HTT: variants seen among roughly 807,000 people sequenced by gnomAD.
The protein encoded by HTT is huntington disease protein.
A neutral mutation model predicts 362.3 loss-of-function variants in HTT; 104 were observed. That is an observed-to-expected ratio of 0.29 (90% CI 0.24 to 0.34). The LOEUF (loss-of-function observed/expected upper bound fraction) is 0.34, where lower values mean the gene tolerates loss of function less well. Among genes scored for constraint, HTT ranks in the 10% least tolerant of loss-of-function variants. The pLI, the probability that HTT is intolerant of heterozygous loss-of-function variation, is 1.00. For synonymous variants in HTT, 1,577 were observed against 1,548.7 expected (o/e 1.02, Z -0.43); for missense variants, 3,301 against 3,928.6 (o/e 0.84, Z 4.27).
At chr4:3,161,236 G>A (rs1442257662) in intron 29 of HTT, among the ~76,000 whole-genome samples, 3 of 152,162 alleles carry the variant, frequency 2.0e-5, no homozygotes, top group African/African-American at 7.2e-5. Flanking sequence ...CCATGTGCCT[G>A]CAAAGGACAT....
chr4:3,083,528 TATACACACACACACACACACACAC>T (rs1459804712), intron 1 of HTT, among the ~76,000 whole-genome samples: 2 of 83,926 alleles, frequency 2.4e-5, no homozygotes, highest in Middle Eastern at 5.7e-3. Context: ...TGTCTCTAAA[TATACACACACACACACACACACAC>T]ACACACACAC....
At chr4:3,150,218 C>T (rs1469152990) in intron 26 of HTT, among the ~76,000 whole-genome samples, 3 of 152,190 alleles carry the variant, frequency 2.0e-5, no homozygotes, top group Non-Finnish European at 4.4e-5. Flanking sequence ...CTATGCCAGG[C>T]AAGACAGTAG....
chr4:3,170,944 C>T (rs1234301645), intron 29 of HTT, among the ~76,000 whole-genome samples: 1 of 152,176 alleles, frequency 6.6e-6, no homozygotes, highest in Non-Finnish European at 1.5e-5. Flanking sequence ...AGCCCTGGTT[C>T]CCTGGTACTT....
intron 28 of HTT, 108 bp downstream of exon 28, chr4:3,157,307 T>C (rs536443178): frequency 7.6e-6 from 8 of 1,052,782 alleles, no homozygotes; most frequent in South Asian, 4.5e-5. Flanking sequence ...CTTTGAGATA[T>C]GAGTTACATT....
intron 40 of HTT, among the ~76,000 whole-genome samples, chr4:3,195,359 G>C (rs1719198119): frequency 6.6e-6 from 1 of 152,016 alleles, no homozygotes; most frequent in African/African-American, 2.4e-5. Flanking sequence ...ACGGCTTGCG[G>C]AGCTGCTGCG....
intron 42 of HTT, among the ~76,000 whole-genome samples, chr4:3,204,402 G>A (rs574088730): frequency 1.3e-5 from 2 of 152,310 alleles, no homozygotes; most frequent in African/African-American, 4.8e-5. Flanking sequence ...TCAAATGCCC[G>A]GCTATTGGCT....
chr4:3,131,291 C>T lies in HTT; in HGVS notation c.1992C>T (p.Cys664=), dbSNP rs1715802445. ...TGTCATTGTCTCCTTTCTAGCCTTG[C>T]CGCATCAAAGGTGACATTGGACAGT... ...TEPGDQENKP[C]RIKGDIGQST... The change falls in exon 15 of 67, where the codon TGC becomes TGT. Residue 664 remains cysteine (C), a synonymous_variant. Transcript: ENST00000355072. 6.2e-7 allele frequency: 1 copy of T among 1,610,322 alleles called. No individual in the cohort carries two copies. Among genetic ancestry groups the T allele is most frequent in the African/African-American group, 1.3e-5 (1 of 74,962 alleles).
intron 61 of HTT, among the ~76,000 whole-genome samples, chr4:3,234,217 C>T (rs190218897): frequency 4.4e-4 from 67 of 152,332 alleles, no homozygotes; most frequent in African/African-American, 1.6e-3. Context: ...GGGCACATGC[C>T]GGTGGCCGTC....
At chr4:3,200,885 C>G (rs1427598216) in intron 41 of HTT, among the ~76,000 whole-genome samples, 2 of 152,202 alleles carry the variant, frequency 1.3e-5, no homozygotes, top group African/African-American at 4.8e-5. Flanking sequence ...TCAGTGTCTC[C>G]TAGTTCTGTG....
intron 22 of HTT, among the ~76,000 whole-genome samples, chr4:3,142,150 G>A (rs1716379122): frequency 6.6e-6 from 1 of 152,146 alleles, no homozygotes; most frequent in South Asian, 2.1e-4. Flanking sequence ...GACCAATTGT[G>A]CAGCAGAGTG....
intron 53 of HTT, among the ~76,000 whole-genome samples, chr4:3,220,750 C>G (rs184584590): frequency 6.6e-6 from 1 of 152,068 alleles, no homozygotes; most frequent in Non-Finnish European, 1.5e-5. Flanking sequence ...TCTTGGCACT[C>G]GCCTTCCCCA....
At chr4:3,158,411 T>C (rs1717267656) in intron 28 of HTT, among the ~76,000 whole-genome samples, 1 of 152,238 alleles carries the variant, frequency 6.6e-6, no homozygotes, top group Admixed American at 6.5e-5. Context: ...AATCAACTTC[T>C]ACTTGTAGAT....
Position 3,116,080 on chromosome 4 carries a change from C to G in HTT, c.890-5C>G, listed in dbSNP as rs748858204. Reference sequence around the variant, plus strand: ...TGTTAAGATGTCTTGCTTCCACCCCCACAGGCTTACTCGTTCCTGTCGAGG... The same window carrying G: ...TGTTAAGATGTCTTGCTTCCACCCCGACAGGCTTACTCGTTCCTGTCGAGG... On this transcript the variant is annotated splice_polypyrimidine_tract_variant and splice_region_variant and intron_variant, in intron 7 of 66. Transcript: ENST00000355072. 1 of 1,601,158 alleles carries G rather than the reference C, an allele frequency of 6.2e-7. No individual in the cohort carries two copies. Among genetic ancestry groups the G allele is most frequent in the Non-Finnish European group, 8.5e-7 (1 of 1,170,320 alleles).
In HTT at chr4:3,116,109, A is replaced by G. The variant is rs1715013289; in HGVS notation, c.914A>G (p.Glu305Gly). 10 of 1,612,432 alleles carry G rather than the reference A, an allele frequency of 6.2e-6. No homozygotes were observed. The East Asian group carries it at 2.0e-4, about 32-fold the overall frequency. The change falls in exon 8 of 67, where the codon GAA becomes GGA. Residue 305 changes from glutamate to glycine, a missense_variant. Coordinates refer to ENST00000355072, the MANE Select transcript of HTT (RefSeq NM_001388492.1). Reference protein sequence around the residue: ...LLGLLVPVEDEHSTLLILGVL... With the variant: ...LLGLLVPVEDGHSTLLILGVL... Reference sequence around the variant, plus strand: ...GGCTTACTCGTTCCTGTCGAGGATGAACACTCCACTCTGCTGATTCTTGGC... The same window carrying G: ...GGCTTACTCGTTCCTGTCGAGGATGGACACTCCACTCTGCTGATTCTTGGC...
intron 1 of HTT, among the ~76,000 whole-genome samples, chr4:3,075,658 C>CGGGGGGGGGGGGGGGGG (rs1712496862): frequency 2.1e-5 from 1 of 47,896 alleles, no homozygotes; most frequent in African/African-American, 8.3e-5. Flanking sequence ...AGGGGGGGGG[C>CGGGGGGGGGGGGGGGGG]GGGGAGTGAG....
chr4:3,214,116 G>A lies in HTT; in HGVS notation c.6933G>A (p.Val2311=), dbSNP rs2110278263. ...VTHACSLIYC[V]HFILEAVAVQ... ...ACGCCTGCTCCCTCATCTACTGTGT[G>A]CACTTCATCCTGGAGGCCGGTGAGT... The change falls in exon 50 of 67, where the codon GTG becomes GTA. Residue 2311 remains valine (V), a synonymous_variant. Transcript: ENST00000355072. The A allele has an allele frequency of 6.5e-7, 1 of 1,538,328 alleles. No individual in the cohort carries two copies. The highest frequency in any genetic ancestry group is 8.8e-7 in the Non-Finnish European group (1 of 1,133,282).
intron 39 of HTT, 99 bp downstream of exon 39, chr4:3,187,985 C>T: frequency 1.4e-6 from 1 of 696,986 alleles, no homozygotes; most frequent in Non-Finnish European, 2.5e-6. Flanking sequence ...GGTCTTGCTT[C>T]ACTTCTGAGT....
chr4:3,196,715 TCAAA>T (rs749406526), intron 40 of HTT, among the ~76,000 whole-genome samples: 9 of 150,986 alleles, frequency 6.0e-5, no homozygotes, highest in Non-Finnish European at 8.8e-5. Flanking sequence ...TCCAGTCTGG[TCAAA>T]CAGAGTGAGA....
At position 3,174,650 on chromosome 4, in the gene HTT, A is replaced by G. The variant is rs185772285; in HGVS notation, c.4167-71A>G. On this transcript the variant is annotated intron_variant, in intron 31 of 66. Transcript: ENST00000355072. ...ATGTGAAATTGGTTTGAGCAGGAGT[A>G]TATCTGAGTGCAGAGGAGATTATTT... The G allele has an allele frequency of 8.5e-5, 104 of 1,221,614 alleles. 1 individual carries two copies. In the East Asian group the frequency reaches 1.1e-3, roughly 12 times the overall value. The allele number at this position is 1,221,614 out of a possible 1,614,324, so 75.7% of individuals were successfully genotyped here. A position where few individuals can be genotyped will look rare whatever the true frequency, so the allele number is the denominator to read the frequency against.
Sources: gnomAD v4.1 joint callset for allele counts (sites outside exome capture counted in the v4.1 genomes callset) on GRCh38, gnomAD v4.1.1 for gene constraint, MANE v1.5 for transcripts, NCBI Gene and HGNC (gene_info 2026-07-23, HGNC 2026-07-21) for gene names.